RNF150: variants seen among roughly 807,000 people sequenced by gnomAD.
RNF150 encodes ring finger protein 150.
A neutral mutation model predicts 39.3 loss-of-function variants in RNF150; 24 were observed. The ratio of observed to expected loss-of-function variants is 0.61; its 90% CI spans 0.44 to 0.86. RNF150 has a LOEUF of 0.86. Among genes scored for constraint, RNF150 ranks in the 40% least tolerant of loss-of-function variants. The pLI is 0.00. For missense variants in RNF150, 502 were observed against 587.8 expected (o/e 0.85, Z 1.51); for synonymous variants, 255 against 227.3 (o/e 1.12, Z -1.10).
chr4:141,079,050 A>G (rs1171827309), intron 1 of RNF150, among the ~76,000 whole-genome samples: 6 of 152,060 alleles, frequency 3.9e-5, no homozygotes, highest in Admixed American at 3.3e-4. Context: ...TGCTATTTAC[A>G]GAAGAACTAT....
intron 2 of RNF150, among the ~76,000 whole-genome samples, chr4:140,952,897 G>T (rs867812174): frequency 6.6e-6 from 1 of 152,154 alleles, no homozygotes; most frequent in Non-Finnish European, 1.5e-5. Context: ...TTTCGTCACT[G>T]TGTGAAATCA....
intron 1 of RNF150, among the ~76,000 whole-genome samples, chr4:141,112,041 C>G (rs762893025): frequency 1.3e-5 from 2 of 152,058 alleles, no homozygotes; most frequent in South Asian, 2.1e-4. Context: ...ATAGCATTGG[C>G]AGGCAAGTGA....
intron 1 of RNF150, among the ~76,000 whole-genome samples, chr4:141,149,947 C>A (rs1727269603): frequency 6.6e-6 from 1 of 152,082 alleles, no homozygotes; most frequent in South Asian, 2.1e-4. Flanking sequence ...TGAGTCAGGG[C>A]CCTCGCTTTT....
intron 6 of RNF150, among the ~76,000 whole-genome samples, chr4:140,910,176 C>T (rs1730539069): frequency 6.6e-6 from 1 of 152,024 alleles, no homozygotes; most frequent in Non-Finnish European, 1.5e-5. Flanking sequence ...ATAAAAATCA[C>T]AAATATGTAA....
At chr4:140,915,796 C>A (rs982848000) in intron 5 of RNF150, among the ~76,000 whole-genome samples, 4 of 152,214 alleles carry the variant, frequency 2.6e-5, no homozygotes, top group African/African-American at 9.6e-5. Context: ...AGGCACCCCC[C>A]AGTAGGGGCG....
At chr4:140,996,508 T>C (rs1393493349) in intron 1 of RNF150, among the ~76,000 whole-genome samples, 1 of 152,220 alleles carries the variant, frequency 6.6e-6, no homozygotes, top group Non-Finnish European at 1.5e-5. Flanking sequence ...TTCATAGCTG[T>C]GTGACTTGGG....
At chr4:141,161,370 C>G (rs1470280797) in intron 1 of RNF150, among the ~76,000 whole-genome samples, 1 of 152,148 alleles carries the variant, frequency 6.6e-6, no homozygotes, top group East Asian at 1.9e-4. Flanking sequence ...TTCTAACAAC[C>G]TATGCACATG....
At chr4:140,997,441 T>C (rs919534013) in intron 1 of RNF150, among the ~76,000 whole-genome samples, 3 of 152,042 alleles carry the variant, frequency 2.0e-5, no homozygotes, top group African/African-American at 4.8e-5. Flanking sequence ...GCCAACATGG[T>C]GAAACCCCAT....
In RNF150 at chr4:141,024,876, A is replaced by G. The variant is rs75179111; in HGVS notation, c.485-57003T>C. Among the ~76,000 whole-genome samples, 110 of 152,336 alleles carry G rather than the reference A, an allele frequency of 7.2e-4. 1 individual carries two copies. The East Asian group carries it at 0.02, about 28-fold the overall frequency. The stretch of plus-strand genomic sequence containing the variant: ...ATTCTATTCTCAAGAGGTAACAGTT[A>G]CAAGAATCTCTATCTCCATGTCTTT... On this transcript the variant is annotated intron_variant, in intron 1 of 6. Coordinates refer to ENST00000515673, the MANE Select transcript of RNF150 (RefSeq NM_020724.2).
At chr4:141,027,257 G>C (rs1020607946) in intron 1 of RNF150, among the ~76,000 whole-genome samples, 2 of 152,178 alleles carry the variant, frequency 1.3e-5, no homozygotes, top group Non-Finnish European at 2.9e-5. Context: ...AAAAGGAATA[G>C]AGTATGTTCA....
intron 1 of RNF150, among the ~76,000 whole-genome samples, chr4:141,190,958 G>T (rs1217739826): frequency 1.3e-5 from 2 of 152,168 alleles, no homozygotes; most frequent in African/African-American, 2.4e-5. Flanking sequence ...TTTCATGTAA[G>T]TATTCAGCCA....
At chr4:141,199,554 T>A (rs1452844734) in intron 1 of RNF150, among the ~76,000 whole-genome samples, 2 of 152,168 alleles carry the variant, frequency 1.3e-5, no homozygotes, top group African/African-American at 4.8e-5. Flanking sequence ...ATAATGTGGA[T>A]GACTCTCAAA....
chr4:141,019,919 A>G (rs2110781111), intron 1 of RNF150, among the ~76,000 whole-genome samples: 2 of 152,216 alleles, frequency 1.3e-5, no homozygotes, highest in South Asian at 4.1e-4. Flanking sequence ...CACTCCTTGA[A>G]TCCTTCATGA....
intron 1 of RNF150, among the ~76,000 whole-genome samples, chr4:141,016,461 G>A (rs1578634896): frequency 9.5e-6 from 1 of 105,588 alleles, no homozygotes; most frequent in Admixed American, 1.1e-4. Context: ...AAATATGACT[G>A]CAGACCTGTT....
At chr4:141,211,977 T>G (rs1728475914) in intron 1 of RNF150, among the ~76,000 whole-genome samples, 2 of 152,150 alleles carry the variant, frequency 1.3e-5, no homozygotes, top group Non-Finnish European at 2.9e-5. Context: ...TAGAAAAAAG[T>G]GGATGCTTTC....
rs769465567 is a variant in RNF150, at chr4:140,967,858, A to G, written c.500T>C (p.Val167Ala). Residue 167 changes from valine to alanine, a missense_variant, in exon 2 of 7, where the codon GTG becomes GCG. Val to Ala is a moderately conservative substitution (Grantham distance 64). Coordinates refer to ENST00000515673, the MANE Select transcript of RNF150 (RefSeq NM_020724.2). ...TTTTGGCTCAGGAATCATTATGGCCACGATGTCTTCTACACCTGTGGTAAG... is the reference window on the plus strand; with the variant it reads ...TTTTGGCTCAGGAATCATTATGGCCGCGATGTCTTCTACACCTGTGGTAAG... Reference protein sequence around the residue: ...TMPHAGVEDIVAIMIPEPKGK... With the variant: ...TMPHAGVEDIAAIMIPEPKGK... The G allele has an allele frequency of 1.9e-6, 3 of 1,613,282 alleles. 1 individual carries two copies. The South Asian group carries it at 3.3e-5, about 18-fold the overall frequency.
At chr4:141,186,301 T>C (rs1247528361) in intron 1 of RNF150, among the ~76,000 whole-genome samples, 1 of 152,216 alleles carries the variant, frequency 6.6e-6, no homozygotes, top group Non-Finnish European at 1.5e-5. Flanking sequence ...CTTCTAGATT[T>C]TCTAGATTAT....
intron 4 of RNF150, among the ~76,000 whole-genome samples, chr4:140,928,736 C>T (rs186102486): frequency 4.6e-5 from 7 of 152,080 alleles, no homozygotes; most frequent in Middle Eastern, 3.4e-3. Flanking sequence ...TTAGTAGAGA[C>T]GGGGTTTCAC....
intron 1 of RNF150, among the ~76,000 whole-genome samples, chr4:141,029,251 T>C (rs1207665524): frequency 6.6e-6 from 1 of 152,214 alleles, no homozygotes. Flanking sequence ...ACTTCATTGA[T>C]AATGTATAGA....
Sources: allele counts gnomAD v4.1 joint callset (sites outside exome capture counted in the v4.1 genomes callset), GRCh38; gene constraint gnomAD v4.1.1; transcripts MANE v1.5; gene names NCBI Gene and HGNC (gene_info 2026-07-23, HGNC 2026-07-21).